The following SPOCK3 variants were observed in gnomAD, a reference collection of about 807,000 sequenced individuals.
SPOCK3 encodes the protein testican-3.
In SPOCK3, 30 loss-of-function variants were observed where a neutral mutation model predicts 56.6. The observed-to-expected ratio is 0.53, with a 90% CI of 0.40 to 0.72. The LOEUF is 0.72. Ranked by LOEUF, SPOCK3 falls within the 30% of genes least tolerant of loss-of-function variation. The pLI is 0.00. For synonymous variants in SPOCK3, 196 were observed against 183.3 expected (o/e 1.07, Z -0.56); for missense variants, 527 against 530.0 (o/e 0.99, Z 0.06).
intron 2 of SPOCK3, among the ~76,000 whole-genome samples, chr4:167,112,593 G>A (rs1298769416): frequency 2.0e-5 from 3 of 152,084 alleles, no homozygotes; most frequent in Non-Finnish European, 4.4e-5. Context: ...ATGGGAAAGG[G>A]TAGGAAAACA....
At chr4:166,790,500 A>C in intron 7 of SPOCK3, among the ~76,000 whole-genome samples, 1 of 151,778 alleles carries the variant, frequency 6.6e-6, no homozygotes. Flanking sequence ...CTGGTCTCTG[A>C]CTCCTTCAAG....
At chr4:166,766,752 C>T (rs990156222) in intron 7 of SPOCK3, among the ~76,000 whole-genome samples, 2 of 152,130 alleles carry the variant, frequency 1.3e-5, no homozygotes, top group African/African-American at 4.8e-5. Context: ...GGAATAGTTT[C>T]AGAAGGAATG....
chr4:166,809,108 C>T (rs1053038062), intron 6 of SPOCK3, among the ~76,000 whole-genome samples: 1 of 152,006 alleles, frequency 6.6e-6, no homozygotes, highest in Admixed American at 6.6e-5. Context: ...TCATACTTCT[C>T]TCATTAATAA....
chr4:167,154,816 A>T (rs1764686088), intron 2 of SPOCK3, among the ~76,000 whole-genome samples: 1 of 152,160 alleles, frequency 6.6e-6, no homozygotes. Context: ...AGCCCTGTAG[A>T]ATAGCATCTC....
At chr4:167,070,574 C>A (rs929324912) in intron 2 of SPOCK3, among the ~76,000 whole-genome samples, 1 of 151,842 alleles carries the variant, frequency 6.6e-6, no homozygotes, top group East Asian at 1.9e-4. Context: ...ACTTTTATTG[C>A]TTCCTGTATT....
chr4:167,008,243 A>T, intron 3 of SPOCK3, among the ~76,000 whole-genome samples: 1 of 151,990 alleles, frequency 6.6e-6, no homozygotes, highest in Non-Finnish European at 1.5e-5. Context: ...GAAGATTAAT[A>T]TTCTATTGTA....
At chr4:167,066,295 T>G (rs111707638) in intron 2 of SPOCK3, among the ~76,000 whole-genome samples, 5,263 of 151,930 alleles carry the variant, frequency 0.035, 130 homozygotes, top group Non-Finnish European at 0.056. Flanking sequence ...GAGACTATTG[T>G]GTGCATTGCT....
chr4:166,976,137 G>A (rs1745920352), intron 4 of SPOCK3, among the ~76,000 whole-genome samples: 1 of 145,378 alleles, frequency 6.9e-6, no homozygotes, highest in Non-Finnish European at 1.5e-5. Context: ...ACACAAAACA[G>A]CCAATTAACT....
intron 7 of SPOCK3, among the ~76,000 whole-genome samples, chr4:166,777,103 A>C (rs2126598719): frequency 6.6e-6 from 1 of 152,304 alleles, no homozygotes; most frequent in Non-Finnish European, 1.5e-5. Flanking sequence ...AATGTAAGCA[A>C]ACAAAACACA....
chr4:167,094,581 T>G (rs568951523), intron 2 of SPOCK3, among the ~76,000 whole-genome samples: 1 of 152,236 alleles, frequency 6.6e-6, no homozygotes, highest in South Asian at 2.1e-4. Flanking sequence ...ATATTCATAA[T>G]GTGAATTTGC....
At chr4:166,956,377 A>G (rs1047383408) in intron 4 of SPOCK3, among the ~76,000 whole-genome samples, 2 of 152,236 alleles carry the variant, frequency 1.3e-5, no homozygotes, top group East Asian at 3.9e-4. Flanking sequence ...TGGGGCCACT[A>G]TGAAGTAAAA....
At chr4:166,811,524 C>T (rs1241863688) in intron 6 of SPOCK3, among the ~76,000 whole-genome samples, 8 of 151,462 alleles carry the variant, frequency 5.3e-5, no homozygotes, top group Admixed American at 2.0e-4. Flanking sequence ...TTAGTATCAT[C>T]TTTGATATTG....
intron 8 of SPOCK3, among the ~76,000 whole-genome samples, chr4:166,750,201 T>G (rs1277136539): frequency 3.3e-5 from 5 of 152,212 alleles, no homozygotes; most frequent in Admixed American, 6.5e-5. Context: ...TCTGTAAGTC[T>G]AGCCTTTAGG....
chr4:167,103,794 G>T (rs1286507349), intron 2 of SPOCK3, among the ~76,000 whole-genome samples: 1 of 152,132 alleles, frequency 6.6e-6, no homozygotes, highest in East Asian at 1.9e-4. Flanking sequence ...GAGACTCAGT[G>T]CTGTGCTAGC....
At chr4:167,096,789 T>TATA (rs913010746) in intron 2 of SPOCK3, among the ~76,000 whole-genome samples, 39 of 151,996 alleles carry the variant, frequency 2.6e-4, no homozygotes, top group Admixed American at 7.2e-4. Flanking sequence ...TTAATACTAT[T>TATA]GTACATTCAT....
At chr4:166,919,960 T>C (rs1738309295) in intron 4 of SPOCK3, among the ~76,000 whole-genome samples, 1 of 152,198 alleles carries the variant, frequency 6.6e-6, no homozygotes, top group African/African-American at 2.4e-5. Flanking sequence ...TGTATGCTGA[T>C]AGCCTTATGT....
chr4:167,205,269 TAATA>T (rs1325792234), intron 2 of SPOCK3, among the ~76,000 whole-genome samples: 2 of 70,344 alleles, frequency 2.8e-5, no homozygotes, highest in African/African-American at 5.9e-5. Flanking sequence ...TTTATATCTA[TAATA>T]TATATTATAT....
At position 167,109,065 on chromosome 4, in the gene SPOCK3, T is replaced by TATATTTATATATAAATATATATAAA. The variant is rs1328710834; in HGVS notation, c.190-46529_190-46528insTTTATATATATTTATATATAAATAT. The stretch of plus-strand genomic sequence containing the variant: ...ACTTATATAAAAATATATATAAATA[T>TATATTTATATATAAATATATATAAA]TATATATTTATATAAAAATATATAT... On this transcript the variant is annotated intron_variant, in intron 2 of 10. Transcript: ENST00000357545. 1.1e-3 allele frequency among the ~76,000 whole-genome samples: 2 copies of TATATTTATATATAAATATATATAAA among 1,798 alleles called. 1 individual carries two copies. The highest frequency in any genetic ancestry group is 1.5e-3 in the Non-Finnish European group (2 of 1,292). 1.2% of individuals were successfully genotyped at this position (1,798 alleles called of 152,430 possible). A position where few individuals can be genotyped will look rare whatever the true frequency, so the allele number is the denominator to read the frequency against.
intron 4 of SPOCK3, among the ~76,000 whole-genome samples, chr4:166,927,871 A>G (rs572355816): frequency 6.6e-6 from 1 of 152,304 alleles, no homozygotes; most frequent in Admixed American, 6.5e-5. Context: ...AAATAATATA[A>G]AAAACTCAAC....
Sources: allele counts gnomAD v4.1 joint callset (sites outside exome capture counted in the v4.1 genomes callset), GRCh38; gene constraint gnomAD v4.1.1; transcripts MANE v1.5; gene names NCBI Gene and HGNC (gene_info 2026-07-23, HGNC 2026-07-21).